The following SLC9A9 variants were observed in gnomAD, a reference collection of about 807,000 sequenced individuals.
SLC9A9 encodes solute carrier family 9 member A9.
A neutral mutation model predicts 77.8 loss-of-function variants in SLC9A9; 62 were observed. That is an observed-to-expected ratio of 0.80 (90% confidence interval 0.65 to 0.98). The LOEUF is 0.98. Ranked by LOEUF, SLC9A9 falls within the 50% of genes least tolerant of loss-of-function variation. SLC9A9 has a pLI of 0.00. For synonymous variants in SLC9A9, 320 were observed against 283.5 expected (o/e 1.13, Z -1.29); for missense variants, 775 against 774.9 (o/e 1.00, Z 0.00).
chr3:143,634,508 G>T (rs78968456), intron 6 of SLC9A9, among the ~76,000 whole-genome samples: 2,913 of 151,906 alleles, frequency 0.019, 90 homozygotes, highest in African/African-American at 0.066. Context: ...TGATTTTATT[G>T]ATCTCTCCAA....
chr3:143,362,763 T>A (rs1268162883), intron 14 of SLC9A9, among the ~76,000 whole-genome samples: 1 of 152,188 alleles, frequency 6.6e-6, no homozygotes, highest in Non-Finnish European at 1.5e-5. Flanking sequence ...CCTTGGAGCT[T>A]TTGCCTGGGA....
intron 13 of SLC9A9, among the ~76,000 whole-genome samples, chr3:143,375,528 G>A (rs1333372150): frequency 1.3e-5 from 2 of 152,156 alleles, no homozygotes; most frequent in African/African-American, 4.8e-5. Context: ...GACCTACTCA[G>A]GGTAGCCCCC....
chr3:143,605,203 GA>G (rs1463055562), intron 6 of SLC9A9, among the ~76,000 whole-genome samples: 2 of 151,896 alleles, frequency 1.3e-5, no homozygotes, highest in Admixed American at 1.3e-4. Context: ...GTGTATTAAA[GA>G]AGTGCCTGAG....
chr3:143,641,689 G>C (rs1053500313), intron 6 of SLC9A9, among the ~76,000 whole-genome samples: 1 of 152,096 alleles, frequency 6.6e-6, no homozygotes, highest in Non-Finnish European at 1.5e-5. Context: ...CACTGTGCCC[G>C]GCCTGTTGTC....
At chr3:143,790,549 G>A (rs1560080584) in intron 4 of SLC9A9, among the ~76,000 whole-genome samples, 1 of 152,156 alleles carries the variant, frequency 6.6e-6, no homozygotes, top group Admixed American at 6.5e-5. Flanking sequence ...GACACATAAA[G>A]TGTCATTTTA....
At chr3:143,796,782 C>T (rs1198134980) in intron 3 of SLC9A9, 44 bp downstream of exon 3, 1 of 1,400,926 alleles carries the variant, frequency 7.1e-7, no homozygotes, top group Non-Finnish European at 1.0e-6. Context: ...TGGTAAAATT[C>T]TCTACTTAAT....
chr3:143,806,524 A>AT (rs59438350), intron 2 of SLC9A9, among the ~76,000 whole-genome samples: 1 of 152,196 alleles, frequency 6.6e-6, no homozygotes, highest in Non-Finnish European at 1.5e-5. Flanking sequence ...GGAAAAAAAA[A>AT]CTTACTTTTG....
At chr3:143,353,294 C>T (rs1377570042) in intron 14 of SLC9A9, among the ~76,000 whole-genome samples, 3 of 152,206 alleles carry the variant, frequency 2.0e-5, no homozygotes, top group Admixed American at 6.5e-5. Flanking sequence ...TCCAAATTCA[C>T]ACGTTGAAGC....
intron 12 of SLC9A9, among the ~76,000 whole-genome samples, chr3:143,401,525 A>T (rs539704373): frequency 1.3e-5 from 2 of 152,342 alleles, no homozygotes; most frequent in Admixed American, 6.5e-5. Flanking sequence ...GGTTTCACTT[A>T]AACTGGAAAC....
At chr3:143,594,580 A>C (rs2037721093) in intron 6 of SLC9A9, among the ~76,000 whole-genome samples, 1 of 152,120 alleles carries the variant, frequency 6.6e-6, no homozygotes, top group Non-Finnish European at 1.5e-5. Context: ...TGATGCTCCC[A>C]CCCAGAGAAC....
intron 6 of SLC9A9, 55 bp from the exon 7 acceptor site, chr3:143,578,778 T>C (rs2037408227): frequency 1.2e-6 from 2 of 1,608,526 alleles, no homozygotes; most frequent in Non-Finnish European, 1.7e-6. Context: ...ATAGCCCAGA[T>C]AGGATTTCGC....
intron 4 of SLC9A9, among the ~76,000 whole-genome samples, chr3:143,702,753 A>G (rs375882863): frequency 6.6e-6 from 1 of 152,042 alleles, no homozygotes; most frequent in East Asian, 1.9e-4. Context: ...AAGTCTCCAA[A>G]AAAAGACATA....
At chr3:143,600,024 T>C (rs996779582) in intron 6 of SLC9A9, among the ~76,000 whole-genome samples, 1 of 152,106 alleles carries the variant, frequency 6.6e-6, no homozygotes, top group African/African-American at 2.4e-5. Context: ...TTTTTTTTAA[T>C]TAAAAAATTT....
chr3:143,724,101 T>C (rs111799138), intron 4 of SLC9A9, among the ~76,000 whole-genome samples: 1,727 of 152,334 alleles, frequency 0.011, 34 homozygotes, highest in African/African-American at 0.038. Context: ...GGTTTGGCTC[T>C]GTGTCCCCAC....
chr3:143,651,765 C>A (rs1249695081), intron 6 of SLC9A9, among the ~76,000 whole-genome samples: 1 of 152,126 alleles, frequency 6.6e-6, no homozygotes, highest in Non-Finnish European at 1.5e-5. Context: ...CAGTTTCATC[C>A]GTCATGTGAT....
intron 13 of SLC9A9, among the ~76,000 whole-genome samples, chr3:143,373,029 C>T (rs2033092138): frequency 1.3e-5 from 2 of 152,116 alleles, no homozygotes; most frequent in African/African-American, 4.8e-5. Context: ...AGTACAATCT[C>T]TATGGAAAAC....
At chr3:143,740,508 G>A (rs1318502321) in intron 4 of SLC9A9, among the ~76,000 whole-genome samples, 4 of 152,062 alleles carry the variant, frequency 2.6e-5, no homozygotes, top group Admixed American at 2.0e-4. Flanking sequence ...TAGTTCAGTA[G>A]GCTAGTTATA....
intron 5 of SLC9A9, among the ~76,000 whole-genome samples, chr3:143,685,320 A>C (rs866765297): frequency 1.3e-5 from 2 of 152,122 alleles, no homozygotes; most frequent in South Asian, 4.1e-4. Context: ...TGGACTAGTC[A>C]CATTTCTAGG....
At chr3:143,397,122 A>G (rs1160354066) in intron 12 of SLC9A9, among the ~76,000 whole-genome samples, 1 of 152,190 alleles carries the variant, frequency 6.6e-6, no homozygotes, top group African/African-American at 2.4e-5. Context: ...ATTAGAAACT[A>G]GATTGAAAAT....
Sources: gnomAD v4.1 joint callset for allele counts (sites outside exome capture counted in the v4.1 genomes callset) on GRCh38, gnomAD v4.1.1 for gene constraint, MANE v1.5 for transcripts, NCBI Gene and HGNC (gene_info 2026-07-23, HGNC 2026-07-21) for gene names.